The following SIAE variants were observed in gnomAD, a reference collection of about 807,000 sequenced individuals.
SIAE encodes the protein sialate O-acetylesterase.
A neutral mutation model predicts 52.6 loss-of-function variants in SIAE; 39 were observed. The ratio of observed to expected loss-of-function variants is 0.74; its 90% CI spans 0.57 to 0.97. The LOEUF is 0.97. Ranked by LOEUF, SIAE falls within the 50% of genes least tolerant of loss-of-function variation. The pLI is 0.00. For missense variants in SIAE, 592 were observed against 662.1 expected (o/e 0.89, Z 1.16); for synonymous variants, 233 against 241.4 (o/e 0.97, Z 0.32).
At chr11:124,657,956 A>G (rs925273254) in intron 3 of SIAE, among the ~76,000 whole-genome samples, 1 of 152,222 alleles carries the variant, frequency 6.6e-6, no homozygotes, top group African/African-American at 2.4e-5. Context: ...CATCTCATCA[A>G]ACACTGCAGT....
chr11:124,674,123 G>T, upstream of SIAE: 1 of 201,696 alleles, frequency 5.0e-6, no homozygotes, highest in Non-Finnish European at 9.7e-6. Context: ...TCCCGCCCCC[G>T]ACTAGACCCG....
intron 3 of SIAE, among the ~76,000 whole-genome samples, chr11:124,658,262 A>ACACAC (rs750343749): frequency 1.3e-5 from 2 of 150,972 alleles, no homozygotes; most frequent in African/African-American, 2.5e-5. Flanking sequence ...ACACACACAC[A>ACACAC]GAAGGACAGA....
Position 124,636,665 on chromosome 11 carries a change from C to T in SIAE, c.*286G>A, listed in dbSNP as rs1306838241. The T allele has an allele frequency of 1.3e-5, 6 of 451,342 alleles. No individual in the cohort carries two copies. In the South Asian group the frequency reaches 1.4e-4, roughly 10 times the overall value. 28.0% of individuals were successfully genotyped at this position (451,342 alleles called of 1,614,324 possible). On this transcript the variant is annotated 3_prime_UTR_variant, in exon 10 of 10. Coordinates refer to ENST00000263593, the MANE Select transcript of SIAE (RefSeq NM_170601.5). ...GGGCAAAAGTATTAGACATTTCACTCCCATTAATATGAGGGAAGTAAATGA... is the reference window on the plus strand; with the variant it reads ...GGGCAAAAGTATTAGACATTTCACTTCCATTAATATGAGGGAAGTAAATGA...
chr11:124,656,371 A>G (rs1487644492), intron 3 of SIAE, among the ~76,000 whole-genome samples: 1 of 152,266 alleles, frequency 6.6e-6, no homozygotes, highest in Non-Finnish European at 1.5e-5. Context: ...AAATCACCAA[A>G]GAAAAGCAAG....
At chr11:124,669,558 G>T in intron 1 of SIAE, 37 bp from the exon 2 acceptor site, 1 of 1,591,416 alleles carries the variant, frequency 6.3e-7, no homozygotes, top group Non-Finnish European at 8.6e-7. Flanking sequence ...AAGCATCATC[G>T]GAGAGATATA....
intron 4 of SIAE, among the ~76,000 whole-genome samples, chr11:124,651,847 C>T (rs1423111011): frequency 1.3e-5 from 2 of 152,142 alleles, no homozygotes; most frequent in Non-Finnish European, 2.9e-5. Context: ...GCGTCCAGGA[C>T]ATGATGGAGA....
At chr11:124,674,593 T>C (rs1267175538), upstream of SIAE, 1 of 152,210 alleles carries the variant, frequency 6.6e-6, no homozygotes, top group African/African-American at 2.4e-5. Context: ...AGAGACAACC[T>C]GATCAAGAAG....
chr11:124,673,750 G>C, upstream of SIAE: 1 of 1,604,210 alleles, frequency 6.2e-7, no homozygotes, highest in Non-Finnish European at 8.5e-7. Flanking sequence ...GGGAAAGTGG[G>C]TTCCCGGCAG....
intron 3 of SIAE, among the ~76,000 whole-genome samples, chr11:124,657,996 G>A (rs916640771): frequency 2.0e-5 from 3 of 152,152 alleles, no homozygotes; most frequent in African/African-American, 7.2e-5. Context: ...GTATTTAAAT[G>A]AGGATGTAAA....
rs1223229845 is a variant in SIAE, at chr11:124,660,816, C to T, written c.230-13G>A. On this transcript the variant is annotated splice_polypyrimidine_tract_variant and intron_variant, in intron 2 of 9. Transcript: ENST00000263593. ...GTATCAGAGTGAGCTGAAATAGTAA[C>T]AGGACTCCAAGGAATTAATCAATCA... 4 of 1,613,952 alleles carry T rather than the reference C, an allele frequency of 2.5e-6. No homozygotes were observed. Among genetic ancestry groups the T allele is most frequent in the South Asian group, 1.1e-5 (1 of 91,074 alleles).
At chr11:124,637,639 C>T (rs183201830) in intron 9 of SIAE, among the ~76,000 whole-genome samples, 1 of 152,290 alleles carries the variant, frequency 6.6e-6, no homozygotes, top group African/African-American at 2.4e-5. Context: ...AAACCTTTCT[C>T]AAGCCAGAAG....
chr11:124,662,903 G>A (rs555042207), intron 2 of SIAE, among the ~76,000 whole-genome samples: 1 of 152,326 alleles, frequency 6.6e-6, no homozygotes, highest in South Asian at 2.1e-4. Flanking sequence ...CCAGCACTTT[G>A]GGAGGCCGAG....
chr11:124,667,524 T>G (rs558819752), intron 2 of SIAE, among the ~76,000 whole-genome samples: 71 of 152,360 alleles, frequency 4.7e-4, no homozygotes, highest in Admixed American at 9.8e-4. Flanking sequence ...CACTCGGGAT[T>G]GGATCATCAG....
At chr11:124,667,674 G>A (rs1341293879) in intron 2 of SIAE, among the ~76,000 whole-genome samples, 3 of 152,080 alleles carry the variant, frequency 2.0e-5, no homozygotes, top group South Asian at 2.1e-4. Flanking sequence ...CCACCTCTGA[G>A]CAGCCTCCTC....
At position 124,638,561 on chromosome 11, in the gene SIAE, T is replaced by C; in HGVS notation, c.1301A>G (p.Lys434Arg). 1 of 1,614,090 alleles carries C rather than the reference T, an allele frequency of 6.2e-7. No individual in the cohort carries two copies. Among genetic ancestry groups the C allele is most frequent in the Admixed American group, 1.7e-5 (1 of 60,016 alleles). ...TCTCACCTCAAATATCTTGTTGTCC[T>C]TTTTCTGCACCTGGATTTGCTGGTA... is the stretch of plus-strand genomic sequence containing the variant. Reference protein sequence around the residue: ...TYYQQIQVQKKDNKIFEISCC... With the variant: ...TYYQQIQVQKRDNKIFEISCC... The change falls in exon 9 of 10, where the codon AAG becomes AGG. Residue 434 changes from lysine (K) to arginine (R), a missense_variant. Transcript: ENST00000263593.
chr11:124,669,650 G>T, intron 1 of SIAE, 129 bp from the exon 2 acceptor site: 1 of 862,510 alleles, frequency 1.2e-6, no homozygotes, highest in South Asian at 1.4e-5. Flanking sequence ...CCCTTTAATC[G>T]TCTAAAACTG....
chr11:124,657,782 T>C lies in SIAE; in HGVS notation c.405+2846A>G, dbSNP rs140761159. Among the ~76,000 whole-genome samples the C allele has an allele frequency of 3.9e-5, 6 of 152,354 alleles. No individual in the cohort carries two copies. In the East Asian group the frequency reaches 1.2e-3, roughly 29 times the overall value. ...TAATGACAATTACTTCAGAAATTGG[T>C]ATCCTTCCCCAATAACTAGGCCTTT... On this transcript the variant is annotated intron_variant, in intron 3 of 9. Coordinates refer to ENST00000263593, the MANE Select transcript of SIAE (RefSeq NM_170601.5).
intron 7 of SIAE, among the ~76,000 whole-genome samples, chr11:124,643,515 G>A (rs1424861601): frequency 6.6e-6 from 1 of 152,202 alleles, no homozygotes; most frequent in Non-Finnish European, 1.5e-5. Flanking sequence ...ACTAGCGCAG[G>A]AGGAGTAAAG....
At chr11:124,640,521 G>A (rs908594924) in intron 7 of SIAE, among the ~76,000 whole-genome samples, 2 of 152,070 alleles carry the variant, frequency 1.3e-5, no homozygotes, top group African/African-American at 2.4e-5. Flanking sequence ...TAAGTTTTGG[G>A]GTAGCTTGTT....
Sources: gnomAD v4.1 joint callset for allele counts (sites outside exome capture counted in the v4.1 genomes callset) on GRCh38, gnomAD v4.1.1 for gene constraint, MANE v1.5 for transcripts, NCBI Gene and HGNC (gene_info 2026-07-23, HGNC 2026-07-21) for gene names.